The following CAPS2 variants were observed in gnomAD, a reference collection of about 807,000 sequenced individuals.
CAPS2 encodes calcyphosin-2.
In CAPS2, 98 loss-of-function variants were observed where a neutral mutation model predicts 86.5. The observed-to-expected ratio is 1.13, with a 90% confidence interval of 0.96 to 1.34. The LOEUF is 1.34. CAPS2 is among the 40% of genes most tolerant of loss of function. CAPS2 has a pLI of 0.00. For synonymous variants in CAPS2, 210 were observed against 225.1 expected (o/e 0.93, Z 0.60); for missense variants, 729 against 686.8 (o/e 1.06, Z -0.69).
intron 1 of CAPS2, among the ~76,000 whole-genome samples, chr12:75,352,983 C>T (rs373604998): frequency 4.7e-4 from 72 of 152,178 alleles, no homozygotes; most frequent in African/African-American, 1.6e-3. Context: ...ATCTCTGGGA[C>T]GCAGCTAAAG....
At chr12:75,365,674 T>C (rs567101702) in intron 1 of CAPS2, among the ~76,000 whole-genome samples, 3 of 152,296 alleles carry the variant, frequency 2.0e-5, no homozygotes, top group East Asian at 1.9e-4. Flanking sequence ...ACATTTATTC[T>C]ATTACATTTA....
upstream of CAPS2, chr12:75,334,827 T>C (rs1565941758): frequency 9.3e-6 from 15 of 1,614,026 alleles, no homozygotes; most frequent in Non-Finnish European, 1.3e-5. Flanking sequence ...ACCCACACTT[T>C]ATAGACAACT....
intron 6 of CAPS2, among the ~76,000 whole-genome samples, chr12:75,313,449 A>G (rs2039437023): frequency 6.6e-6 from 1 of 152,248 alleles, no homozygotes; most frequent in Non-Finnish European, 1.5e-5. Flanking sequence ...CTCTGCATAT[A>G]ATGCATCAAT....
At chr12:75,291,689 T>A (rs1432492563) in intron 13 of CAPS2, 55 bp downstream of exon 13, 1 of 836,440 alleles carries the variant, frequency 1.2e-6, no homozygotes, top group African/African-American at 1.8e-5. Flanking sequence ...GTTTTACTGA[T>A]TATAAAAAAG....
Position 75,283,137 on chromosome 12 carries a change from T to C in CAPS2, c.1516-790A>G, listed in dbSNP as rs573114531. Among the ~76,000 whole-genome samples the C allele has an allele frequency of 3.3e-5, 5 of 152,362 alleles. No homozygotes were observed. The East Asian group carries it at 9.6e-4, about 29-fold the overall frequency. ...TAAATGAGTTATGTTACTCTATTTC[T>C]TGAAATTTAATACACTTTTTAAAAT... On this transcript the variant is annotated intron_variant, in intron 15 of 16. Transcript: ENST00000393284.
intron 7 of CAPS2, among the ~76,000 whole-genome samples, chr12:75,308,594 ATTG>A (rs1224980079): frequency 6.6e-6 from 1 of 152,122 alleles, no homozygotes; most frequent in African/African-American, 2.4e-5. Context: ...TTGATTTGTT[ATTG>A]TTGTTATTAA....
intron 1 of CAPS2, among the ~76,000 whole-genome samples, chr12:75,374,623 GAT>G (rs1291339008): frequency 4.6e-5 from 7 of 152,166 alleles, no homozygotes; most frequent in African/African-American, 1.7e-4. Flanking sequence ...GGGCCAGTGT[GAT>G]ACCTTGTGAA....
chr12:75,276,403 A>C (rs1390337351), downstream of CAPS2: 1 of 981,006 alleles, frequency 1.0e-6, no homozygotes. Flanking sequence ...CTTAAACTGG[A>C]AGTCAAAAGT....
chr12:75,298,940 A>T, exon 10 of CAPS2: 2 of 1,606,390 alleles, frequency 1.2e-6, no homozygotes, highest in South Asian at 2.2e-5. Context: ...GAACCCAATG[A>T]GCTCTCTGCA....
intron 11 of CAPS2, among the ~76,000 whole-genome samples, chr12:75,293,937 T>A (rs1400473448): frequency 6.6e-6 from 1 of 152,056 alleles, no homozygotes; most frequent in East Asian, 1.9e-4. Context: ...CAAATATAAT[T>A]TTTATTTTTT....
chr12:75,300,111 C>T (rs574662170), intron 8 of CAPS2, among the ~76,000 whole-genome samples, 200 bp from the exon 9 acceptor site: 52 of 152,070 alleles, frequency 3.4e-4, no homozygotes, highest in African/African-American at 1.2e-3. Context: ...GTATATAATA[C>T]GTGAATGACT....
At chr12:75,300,275 G>A (rs1050637243) in intron 8 of CAPS2, among the ~76,000 whole-genome samples, 12 of 151,796 alleles carry the variant, frequency 7.9e-5, no homozygotes, top group South Asian at 2.1e-4. Flanking sequence ...TGCTCTTAGC[G>A]GCCGGGCGCG....
chr12:75,306,546 C>T (rs2038525892), intron 7 of CAPS2, among the ~76,000 whole-genome samples: 2 of 152,166 alleles, frequency 1.3e-5, no homozygotes. Flanking sequence ...TTAGGACATA[C>T]GCATGTTTGT....
chr12:75,289,853 A>G, intron 13 of CAPS2, 78 bp from the exon 14 acceptor site: 5 of 1,052,332 alleles, frequency 4.8e-6, no homozygotes, highest in Non-Finnish European at 4.2e-6. Flanking sequence ...TTTCATAAGA[A>G]AATTAAAGTT....
chr12:75,316,322 T>C (rs1201796370), exon 6 of CAPS2: 1 of 1,550,810 alleles, frequency 6.4e-7, no homozygotes, highest in Non-Finnish European at 8.7e-7. Context: ...TGCATCCAAT[T>C]TTCTTGCCCT....
intron 1 of CAPS2, among the ~76,000 whole-genome samples, chr12:75,381,200 G>T (rs1235891194): frequency 3.3e-5 from 5 of 152,142 alleles, no homozygotes; most frequent in South Asian, 2.1e-4. Context: ...GATCTGATGG[G>T]TTTATCAAGG....
At chr12:75,337,199 G>A (rs1484497848) in intron 1 of CAPS2, among the ~76,000 whole-genome samples, 1 of 151,502 alleles carries the variant, frequency 6.6e-6, no homozygotes, top group Non-Finnish European at 1.5e-5. Context: ...CAAGAAGGTA[G>A]GAAACAAGTT....
intron 1 of CAPS2, among the ~76,000 whole-genome samples, chr12:75,362,880 T>C (rs183113796): frequency 6.6e-6 from 1 of 152,312 alleles, no homozygotes; most frequent in Admixed American, 6.5e-5. Flanking sequence ...ATTATTCTTC[T>C]ATAGAATATT....
chr12:75,276,294 G>T (rs952558059), downstream of CAPS2: 3 of 1,526,202 alleles, frequency 2.0e-6, no homozygotes, highest in African/African-American at 4.2e-5. Flanking sequence ...ATATTTGCAA[G>T]CACTACAAAC....
Sources: allele counts gnomAD v4.1 joint callset (sites outside exome capture counted in the v4.1 genomes callset), GRCh38; gene constraint gnomAD v4.1.1; transcripts MANE v1.5; gene names NCBI Gene and HGNC (gene_info 2026-07-23, HGNC 2026-07-21).